Variants in RAB27B observed in about 807,000 individuals in gnomAD.
The protein encoded by RAB27B is RAB27B, member RAS oncogene family.
In RAB27B, 15 loss-of-function variants were observed where a neutral mutation model predicts 24.6. That is an observed-to-expected ratio of 0.61 (90% CI 0.41 to 0.94). RAB27B has a LOEUF of 0.94. Among genes scored for constraint, RAB27B ranks in the 40% least tolerant of loss-of-function variants. The pLI is 0.00. For missense variants in RAB27B, 261 were observed against 266.8 expected (o/e 0.98, Z 0.15); for synonymous variants, 105 against 92.5 (o/e 1.14, Z -0.78).
At chr18:54,735,140 A>C (rs1909850556) in intron 2 of RAB27B, among the ~76,000 whole-genome samples, 1 of 152,202 alleles carries the variant, frequency 6.6e-6, no homozygotes, top group Admixed American at 6.5e-5. Flanking sequence ...TTATTTGCAT[A>C]TCTAACAGAC....
intron 2 of RAB27B, among the ~76,000 whole-genome samples, chr18:54,783,480 T>TG (rs1184672486): frequency 0.028 from 3,304 of 118,910 alleles, 121 homozygotes; most frequent in African/African-American, 0.1. Flanking sequence ...AGCCTATGGC[T>TG]TTGTGTGTGT....
intron 2 of RAB27B, among the ~76,000 whole-genome samples, chr18:54,755,482 GGA>G (rs1260724460): frequency 6.6e-6 from 1 of 152,074 alleles, no homozygotes; most frequent in African/African-American, 2.4e-5. Context: ...CAGGTTTAAG[GGA>G]GAGTCTCTAG....
intron 1 of RAB27B, among the ~76,000 whole-genome samples, chr18:54,865,646 A>C (rs1228852875): frequency 6.6e-6 from 1 of 152,162 alleles, no homozygotes; most frequent in East Asian, 1.9e-4. Flanking sequence ...TCCATTTGCT[A>C]TTTGATTTTA....
At chr18:54,775,018 C>T (rs745763392) in intron 2 of RAB27B, among the ~76,000 whole-genome samples, 4 of 152,186 alleles carry the variant, frequency 2.6e-5, no homozygotes, top group Non-Finnish European at 5.9e-5. Context: ...TGTGTGCTGT[C>T]GGGAGCTATC....
chr18:54,793,489 G>C (rs1219545860), intron 2 of RAB27B, among the ~76,000 whole-genome samples: 2 of 151,908 alleles, frequency 1.3e-5, no homozygotes, highest in African/African-American at 2.4e-5. Context: ...AGTCAACAGA[G>C]AGAGAGAGAG....
rs146912680 is a variant in RAB27B at position 54,851,748 on chromosome 18, C to A, written c.-20+23048C>A. ...AAAACTCCCAGGCCCAAGCTACACACTCCAAACCAATTTCATCAGAATCTC... is the reference window on the plus strand; with the variant it reads ...AAAACTCCCAGGCCCAAGCTACACAATCCAAACCAATTTCATCAGAATCTC... On this transcript the variant is annotated intron_variant, in intron 1 of 5. Coordinates refer to ENST00000262094, the MANE Select transcript of RAB27B (RefSeq NM_004163.4). 3.2e-4 allele frequency among the ~76,000 whole-genome samples: 49 copies of A among 152,164 alleles called. 2 individuals are homozygous for A. In the East Asian group the frequency reaches 9.3e-3, roughly 29 times the overall value.
At chr18:54,795,204 C>T (rs901669886) in intron 2 of RAB27B, among the ~76,000 whole-genome samples, 1 of 151,908 alleles carries the variant, frequency 6.6e-6, no homozygotes, top group Non-Finnish European at 1.5e-5. Context: ...ATAGCTTGAG[C>T]CCCCCCACAC....
chr18:54,820,594 T>G (rs868096316), intron 2 of RAB27B, among the ~76,000 whole-genome samples: 1 of 152,240 alleles, frequency 6.6e-6, no homozygotes, highest in African/African-American at 2.4e-5. Context: ...GTAGTTTCTT[T>G]TGCTGTGCAG....
chr18:54,829,501 T>C lies in RAB27B; in HGVS notation c.-20+801T>C, dbSNP rs561678776. Among the ~76,000 whole-genome samples the C allele has an allele frequency of 5.9e-5, 9 of 152,342 alleles. No individual in the cohort carries two copies. In the South Asian group the frequency reaches 1.9e-3, roughly 32 times the overall value. On this transcript the variant is annotated intron_variant, in intron 1 of 5. Coordinates refer to ENST00000262094, the MANE Select transcript of RAB27B (RefSeq NM_004163.4). ...TTGTTTTAAACTGCACATCATTAAA[T>C]TAAGCCCAAAGTAATAACATAAATT...
chr18:54,729,575 T>G (rs117201218), intron 2 of RAB27B, among the ~76,000 whole-genome samples: 3,737 of 152,312 alleles, frequency 0.025, 60 homozygotes, highest in Non-Finnish European at 0.036. Flanking sequence ...AAAAGGTTAA[T>G]TCTGTTCATT....
chr18:54,723,372 G>GT (rs1334068021), intron 2 of RAB27B, among the ~76,000 whole-genome samples: 2 of 152,158 alleles, frequency 1.3e-5, no homozygotes. Context: ...ATAATCAACA[G>GT]TATCAGGTAG....
chr18:54,787,092 C>T (rs557809068), intron 2 of RAB27B, among the ~76,000 whole-genome samples: 32 of 152,186 alleles, frequency 2.1e-4, no homozygotes, highest in Non-Finnish European at 2.5e-4. Context: ...GTACTAAAGA[C>T]GGAGTGATAG....
chr18:54,893,338 AAAG>A lies in RAB27B; in HGVS notation c.*3929_*3931del, dbSNP rs1303475388. ...CCTAAGATACATAATAACTGTTTAT[AAAG>A]AAGGTCTAAGAGCTGATATTTGCCA... On this transcript the variant is annotated 3_prime_UTR_variant, in exon 6 of 6. Transcript: ENST00000262094. 1 of 152,068 alleles carries A rather than the reference AAAG, an allele frequency of 6.6e-6. No individual in the cohort carries two copies. The highest frequency in any genetic ancestry group is 1.5e-5 in the Non-Finnish European group (1 of 67,942). 9.4% of individuals were successfully genotyped at this position (152,068 alleles called of 1,614,324 possible).
chr18:54,835,914 A>G (rs1910876049), intron 1 of RAB27B, among the ~76,000 whole-genome samples: 1 of 152,052 alleles, frequency 6.6e-6, no homozygotes, highest in South Asian at 2.1e-4. Context: ...TGCACCCAGC[A>G]AGTACTCATT....
intron 2 of RAB27B, among the ~76,000 whole-genome samples, chr18:54,778,458 T>A (rs1313130787): frequency 6.6e-6 from 1 of 152,208 alleles, no homozygotes; most frequent in Admixed American, 6.5e-5. Context: ...TAAAGGGAGA[T>A]AACAATACCT....
intron 2 of RAB27B, among the ~76,000 whole-genome samples, chr18:54,811,135 C>T (rs1909951119): frequency 1.3e-5 from 2 of 152,086 alleles, no homozygotes; most frequent in Admixed American, 6.6e-5. Flanking sequence ...ACCTGAGTCA[C>T]TCTTGAGAAA....
chr18:54,812,978 C>T (rs1303113353), intron 2 of RAB27B, among the ~76,000 whole-genome samples: 1 of 152,176 alleles, frequency 6.6e-6, no homozygotes, highest in Non-Finnish European at 1.5e-5. Flanking sequence ...CTCTCACCCT[C>T]TGCAATTTTA....
intron 2 of RAB27B, among the ~76,000 whole-genome samples, chr18:54,755,725 T>G (rs1438368110): frequency 6.6e-6 from 1 of 152,230 alleles, no homozygotes; most frequent in Non-Finnish European, 1.5e-5. Flanking sequence ...TTATTAACAT[T>G]TAGTTTGAAT....
chr18:54,796,432 A>G (rs1264429173), intron 2 of RAB27B, among the ~76,000 whole-genome samples: 1 of 152,204 alleles, frequency 6.6e-6, no homozygotes, highest in Non-Finnish European at 1.5e-5. Flanking sequence ...ATCGGATCAC[A>G]TGTGCACTTG....
Sources: allele counts gnomAD v4.1 joint callset (sites outside exome capture counted in the v4.1 genomes callset), GRCh38; gene constraint gnomAD v4.1.1; transcripts MANE v1.5; gene names NCBI Gene and HGNC (gene_info 2026-07-23, HGNC 2026-07-21).